ADAMTSL1: variants seen among roughly 807,000 people sequenced by gnomAD.
ADAMTSL1 encodes ADAMTS like 1.
ADAMTSL1 carries 126 observed loss-of-function variants against 201.8 expected under a neutral mutation model. That is an observed-to-expected ratio of 0.62 (90% CI 0.54 to 0.72). The LOEUF (loss-of-function observed/expected upper bound fraction) is 0.72, where lower values mean the gene tolerates loss of function less well. ADAMTSL1 is among the 30% of genes least tolerant of loss of function. ADAMTSL1 has a pLI of 0.00. For synonymous variants in ADAMTSL1, 1,121 were observed against 903.4 expected, an observed-to-expected ratio of 1.24 and a Z score of -4.32; for missense variants, 2,679 against 2,277.8, an observed-to-expected ratio of 1.18 and a Z score of -3.59.
intron 23 of ADAMTSL1, among the ~76,000 whole-genome samples, chr9:18,838,242 T>G (rs910013940): frequency 6.6e-6 from 1 of 151,980 alleles, no homozygotes; most frequent in Non-Finnish European, 1.5e-5. Context: ...AAGAACAGCA[T>G]GGGAAAGACC....
intron 20 of ADAMTSL1, among the ~76,000 whole-genome samples, chr9:18,800,248 G>A (rs535314068): frequency 2.6e-5 from 4 of 151,974 alleles, no homozygotes; most frequent in African/African-American, 9.6e-5. Flanking sequence ...GTGGTGGCAA[G>A]CGCCTGTAAT....
chr9:18,635,685 A>G (rs922266288), intron 5 of ADAMTSL1, among the ~76,000 whole-genome samples: 2 of 152,208 alleles, frequency 1.3e-5, no homozygotes, highest in African/African-American at 4.8e-5. Context: ...AAACTTGCAA[A>G]CCAATTTTTC....
Position 18,777,667 on chromosome 9 carries a change from GACCTCCTCC to G in ADAMTSL1, c.3442_3450del (p.Ser1148_Thr1150del). The stretch of plus-strand genomic sequence containing the variant: ...TGTCTGGCTTCAGCAGCTCCCTGCG[GACCTCCTCC>G]ACCGGGGACGCCGGGGGAGGCTCTC... On this transcript the variant is annotated inframe_deletion, in exon 19 of 29. Coordinates refer to ENST00000380548, the MANE Select transcript of ADAMTSL1 (RefSeq NM_001040272.6). 1 of 1,613,630 alleles carries G rather than the reference GACCTCCTCC, an allele frequency of 6.2e-7. No homozygotes were observed. Among genetic ancestry groups the G allele is most frequent in the Non-Finnish European group, 8.5e-7 (1 of 1,179,826 alleles).
At chr9:18,147,173 TA>T (rs1270752194) in intron 1 of ADAMTSL1, among the ~76,000 whole-genome samples, 1 of 152,148 alleles carries the variant, frequency 6.6e-6, no homozygotes, top group Admixed American at 6.6e-5. Flanking sequence ...TGACCAAGTA[TA>T]AAATATAAAT....
At position 18,044,493 on chromosome 9, in the gene ADAMTSL1, G is replaced by C. The variant is rs79266457; in HGVS notation, c.88-119369G>C. ...TTCATAACTCTTGGCCTGCGATTTGGTGTAGGGACTTGTAGGCGGAGGGAA... is the reference window on the plus strand; with the variant it reads ...TTCATAACTCTTGGCCTGCGATTTGCTGTAGGGACTTGTAGGCGGAGGGAA... On this transcript the variant is annotated intron_variant, in intron 1 of 29. Coordinates refer to the ADAMTSL1 transcript ENST00000680146. 6.7e-3 allele frequency among the ~76,000 whole-genome samples: 1,024 copies of C among 152,258 alleles called. 17 individuals are homozygous for C. Among genetic ancestry groups the C allele is most frequent in the African/African-American group, 0.023 (963 of 41,560 alleles).
chr9:18,376,566 A>C (rs2133157448), intron 2 of ADAMTSL1, among the ~76,000 whole-genome samples: 1 of 152,328 alleles, frequency 6.6e-6, no homozygotes, highest in East Asian at 1.9e-4. Flanking sequence ...GCACTTTGGG[A>C]GGCCGAGGTG....
At chr9:18,613,509 A>G (rs1825508950) in intron 4 of ADAMTSL1, among the ~76,000 whole-genome samples, 2 of 152,220 alleles carry the variant, frequency 1.3e-5, no homozygotes, top group South Asian at 4.1e-4. Flanking sequence ...TGGTAAAGAA[A>G]CACCATGGAA....
chr9:18,061,071 T>C (rs1822431983), intron 1 of ADAMTSL1, among the ~76,000 whole-genome samples: 1 of 152,176 alleles, frequency 6.6e-6, no homozygotes, highest in Admixed American at 6.5e-5. Context: ...ATCTTAAGAA[T>C]GAACTTTATT....
chr9:18,490,512 C>T lies in ADAMTSL1; in HGVS notation c.64-14317C>T, dbSNP rs1822217157. 2.0e-5 allele frequency among the ~76,000 whole-genome samples: 3 copies of T among 152,088 alleles called. No individual in the cohort carries two copies. The South Asian group carries it at 6.2e-4, about 32-fold the overall frequency. On this transcript the variant is annotated intron_variant, in intron 1 of 28. Transcript: ENST00000380548. ...TGCTGAGTTTAAAGTATCAACAAAG[C>T]ATTCAGGTAAGTGAAACTAGAATCC...
chr9:18,772,372 T>C (rs7869627), intron 17 of ADAMTSL1, among the ~76,000 whole-genome samples: 72,753 of 152,002 alleles, frequency 0.48, 17,720 homozygotes, highest in Admixed American at 0.56. Flanking sequence ...ATTCAGAAAA[T>C]GTTCTTTTGT....
At chr9:18,035,910 T>A (rs1470808112) in intron 1 of ADAMTSL1, among the ~76,000 whole-genome samples, 1 of 152,182 alleles carries the variant, frequency 6.6e-6, no homozygotes, top group Non-Finnish European at 1.5e-5. Flanking sequence ...TGCTAAGAGC[T>A]GTGCTGGTGA....
At chr9:18,703,839 C>A (rs951048884) in intron 13 of ADAMTSL1, among the ~76,000 whole-genome samples, 7 of 150,518 alleles carry the variant, frequency 4.7e-5, no homozygotes, top group Admixed American at 1.3e-4. Context: ...TTTGGTATAT[C>A]TTCTTGGTTC....
At chr9:18,419,958 G>A (rs1233167529) in intron 2 of ADAMTSL1, among the ~76,000 whole-genome samples, 4 of 152,030 alleles carry the variant, frequency 2.6e-5, no homozygotes, top group Admixed American at 1.3e-4. Context: ...TTGAACTCCT[G>A]ACCTGGTGAT....
At chr9:18,210,504 A>G (rs1029159188) in intron 2 of ADAMTSL1, among the ~76,000 whole-genome samples, 2 of 147,364 alleles carry the variant, frequency 1.4e-5, no homozygotes, top group African/African-American at 4.9e-5. Flanking sequence ...TTAATTATAT[A>G]TGATATATAT....
intron 19 of ADAMTSL1, among the ~76,000 whole-genome samples, chr9:18,786,934 G>A (rs982783411): frequency 6.6e-6 from 1 of 152,160 alleles, no homozygotes; most frequent in African/African-American, 2.4e-5. Context: ...GGCATATTTG[G>A]AAGTCTTTAA....
rs140609427 is a variant in ADAMTSL1 at position 18,173,636 on chromosome 9, T to C, written c.207+9655T>C. 3.2e-4 allele frequency among the ~76,000 whole-genome samples: 48 copies of C among 152,190 alleles called. No homozygotes were observed. The East Asian group carries it at 8.9e-3, about 28-fold the overall frequency. On this transcript the variant is annotated intron_variant, in intron 2 of 29. Coordinates refer to the ADAMTSL1 transcript ENST00000680146. ...AACAAATAGATACCAAGATTAATTA[T>C]CTAGAAGACATTGGAAGTAATAAAA... is the stretch of plus-strand genomic sequence containing the variant.
At chr9:18,805,200 T>C (rs1332908919) in intron 20 of ADAMTSL1, among the ~76,000 whole-genome samples, 4 of 152,122 alleles carry the variant, frequency 2.6e-5, no homozygotes, top group Non-Finnish European at 4.4e-5. Context: ...ATGGTGTGAC[T>C]TTTAAGCTCT....
At chr9:18,640,822 C>T (rs1338261736) in intron 7 of ADAMTSL1, among the ~76,000 whole-genome samples, 1 of 151,994 alleles carries the variant, frequency 6.6e-6, no homozygotes, top group East Asian at 1.9e-4. Context: ...TAGCGCAGGC[C>T]TTTACTTTTT....
chr9:18,430,851 T>C (rs1819456328), intron 2 of ADAMTSL1, among the ~76,000 whole-genome samples: 1 of 152,218 alleles, frequency 6.6e-6, no homozygotes, highest in Admixed American at 6.5e-5. Flanking sequence ...GAATTGTAAG[T>C]ACTTTTAATT....
Sources: gnomAD v4.1 joint callset for allele counts (sites outside exome capture counted in the v4.1 genomes callset) on GRCh38, gnomAD v4.1.1 for gene constraint, MANE v1.5 for transcripts, NCBI Gene and HGNC (gene_info 2026-07-23, HGNC 2026-07-21) for gene names.